Variants in GARNL3 observed in about 807,000 individuals in gnomAD.
GARNL3 encodes GTPase activating Rap/RanGAP domain like 3.
A neutral mutation model predicts 125.0 loss-of-function variants in GARNL3; 63 were observed. The ratio of observed to expected loss-of-function variants is 0.50; its 90% CI spans 0.41 to 0.62. The LOEUF (loss-of-function observed/expected upper bound fraction) is 0.62. Among genes scored for constraint, GARNL3 ranks in the 20% least tolerant of loss-of-function variants. GARNL3 has a pLI of 0.00. For synonymous variants in GARNL3, 439 were observed against 457.5 expected (o/e 0.96, Z 0.52); for missense variants, 994 against 1,244.0 (o/e 0.80, Z 3.02).
At chr9:127,308,481 A>G (rs2065013871) in intron 2 of GARNL3, among the ~76,000 whole-genome samples, 1 of 152,182 alleles carries the variant, frequency 6.6e-6, no homozygotes, top group East Asian at 1.9e-4. Flanking sequence ...AACCCCTGCA[A>G]CACACAATTT....
At chr9:127,255,311 G>A (rs1179427953) in intron 2 of GARNL3, among the ~76,000 whole-genome samples, 1 of 152,178 alleles carries the variant, frequency 6.6e-6, no homozygotes, top group Non-Finnish European at 1.5e-5. Context: ...AAGTGGGTGG[G>A]TTAGAGCTAC....
At chr9:127,338,623 G>T (rs1328553578) in intron 12 of GARNL3, among the ~76,000 whole-genome samples, 1 of 151,588 alleles carries the variant, frequency 6.6e-6, no homozygotes, top group Non-Finnish European at 1.5e-5. Context: ...TCTGTGTAGA[G>T]TGAAGGTAAT....
chr9:127,284,362 C>T (rs2064186257), intron 1 of GARNL3, among the ~76,000 whole-genome samples: 2 of 152,106 alleles, frequency 1.3e-5, no homozygotes, highest in South Asian at 4.1e-4. Flanking sequence ...TCTCTTTCTT[C>T]TTAGTGGTTC....
chr9:127,304,852 A>G (rs2064905592), intron 2 of GARNL3, among the ~76,000 whole-genome samples: 1 of 152,036 alleles, frequency 6.6e-6, no homozygotes, highest in Non-Finnish European at 1.5e-5. Flanking sequence ...CTTTATTCTT[A>G]ATAGCCAAAA....
chr9:127,356,905 G>A (rs543337869), intron 20 of GARNL3, among the ~76,000 whole-genome samples: 1 of 152,340 alleles, frequency 6.6e-6, no homozygotes, highest in East Asian at 1.9e-4. Context: ...TACTATTACT[G>A]AATCCCAGGA....
intron 19 of GARNL3, among the ~76,000 whole-genome samples, chr9:127,355,044 C>T (rs1335888736): frequency 6.6e-6 from 1 of 152,234 alleles, no homozygotes; most frequent in Non-Finnish European, 1.5e-5. Context: ...TCGCCCGCCT[C>T]GGCCTCTCTA....
chr9:127,245,641 G>T (rs559277598), intron 2 of GARNL3, among the ~76,000 whole-genome samples: 1 of 152,294 alleles, frequency 6.6e-6, no homozygotes, highest in South Asian at 2.1e-4. Context: ...CCATTTTGTG[G>T]GCCGCCTATT....
chr9:127,264,433 AG>A, upstream of GARNL3: 1 of 780,798 alleles, frequency 1.3e-6, no homozygotes, highest in Non-Finnish European at 1.6e-6. Context: ...CCTAAATTAA[AG>A]GGGGACAGAG....
intron 1 of GARNL3, among the ~76,000 whole-genome samples, chr9:127,281,815 A>G (rs2064112842): frequency 6.6e-6 from 1 of 152,206 alleles, no homozygotes; most frequent in Non-Finnish European, 1.5e-5. Flanking sequence ...CTTTCTGAAT[A>G]GTAGTACTTT....
At chr9:127,233,926 T>C (rs749900689) in intron 1 of GARNL3, among the ~76,000 whole-genome samples, 1 of 152,224 alleles carries the variant, frequency 6.6e-6, no homozygotes, top group Non-Finnish European at 1.5e-5. Context: ...ACTTTCTTTT[T>C]TTCAGGTAGT....
chr9:127,330,806 G>A (rs1829189583), intron 7 of GARNL3, among the ~76,000 whole-genome samples: 1 of 152,198 alleles, frequency 6.6e-6, no homozygotes, highest in South Asian at 2.1e-4. Context: ...AGTTCCAGGT[G>A]GAGGGGTCAG....
chr9:127,324,423 A>G (rs942026439), intron 6 of GARNL3, among the ~76,000 whole-genome samples: 1 of 152,034 alleles, frequency 6.6e-6, no homozygotes, highest in African/African-American at 2.4e-5. Flanking sequence ...CAGAAGGAGG[A>G]TGAGGGTCCC....
chr9:127,248,590 T>C (rs2063342677), intron 2 of GARNL3, among the ~76,000 whole-genome samples: 1 of 143,332 alleles, frequency 7.0e-6, no homozygotes, highest in Non-Finnish European at 1.5e-5. Context: ...TCTGCTTTTT[T>C]CTTTTCTTTT....
intron 5 of GARNL3, among the ~76,000 whole-genome samples, 187 bp downstream of exon 5, chr9:127,318,314 G>C (rs917372154): frequency 5.3e-5 from 8 of 152,134 alleles, no homozygotes; most frequent in Non-Finnish European, 1.0e-4. Context: ...TGTAGGGCAG[G>C]TGCTGTGACT....
chr9:127,383,893 A>G (rs1401875977), intron 23 of GARNL3, among the ~76,000 whole-genome samples: 1 of 152,146 alleles, frequency 6.6e-6, no homozygotes, highest in Non-Finnish European at 1.5e-5. Flanking sequence ...TCCAGCCTCA[A>G]AATGCTGACT....
intron 3 of GARNL3, 86 bp from the exon 4 acceptor site, chr9:127,313,355 G>A: frequency 1.1e-6 from 1 of 910,210 alleles, no homozygotes; most frequent in Non-Finnish European, 1.9e-6. Flanking sequence ...ATGTGGGAAG[G>A]GCTGGACACC....
intron 1 of GARNL3, chr9:127,225,368 G>A: frequency 2.0e-6 from 2 of 984,948 alleles, no homozygotes; most frequent in Non-Finnish European, 2.4e-6. Flanking sequence ...AGAGGGCGGC[G>A]CTGCGGCGCA....
At chr9:127,377,355 A>C (rs1452317443) in intron 22 of GARNL3, among the ~76,000 whole-genome samples, 1 of 152,234 alleles carries the variant, frequency 6.6e-6, no homozygotes, top group African/African-American at 2.4e-5. Flanking sequence ...GGAAAAAGTA[A>C]ATGTATGCCT....
rs777430407 is a variant in GARNL3 at position 127,336,252 on chromosome 9, G to GTA, written c.982+17_982+18dup. 3.2e-6 allele frequency: 5 copies of GTA among 1,570,124 alleles called. No individual in the cohort carries two copies. The highest frequency in any genetic ancestry group is 3.5e-6 in the Non-Finnish European group (4 of 1,141,058). On this transcript the variant is annotated intron_variant, in intron 11 of 27. Coordinates refer to ENST00000373387, the MANE Select transcript of GARNL3 (RefSeq NM_032293.5). ...CACTTTACACGTATCCTGGGCCTTT[G>GTA]TAAATGCTCCAGTGTGGCAAGCTGT...
Sources: gnomAD v4.1 joint callset for allele counts (sites outside exome capture counted in the v4.1 genomes callset) on GRCh38, gnomAD v4.1.1 for gene constraint, MANE v1.5 for transcripts, NCBI Gene and HGNC (gene_info 2026-07-23, HGNC 2026-07-21) for gene names.